ECHDC2: variants seen among roughly 807,000 people sequenced by gnomAD.
ECHDC2 encodes the protein enoyl-CoA hydratase domain containing 2, also known as enoyl-CoA hydratase domain-containing protein 2, mitochondrial.
A neutral mutation model predicts 40.6 loss-of-function variants in ECHDC2; 34 were observed. The observed-to-expected ratio is 0.84, with a 90% confidence interval of 0.64 to 1.11. ECHDC2 has a LOEUF of 1.11. ECHDC2 is among the 50% of genes most tolerant of loss of function. The pLI is 0.00. For missense variants in ECHDC2, 392 were observed against 400.7 expected (o/e 0.98, Z 0.19); for synonymous variants, 162 against 166.6 (o/e 0.97, Z 0.21).
intron 3 of ECHDC2, among the ~76,000 whole-genome samples, chr1:52,910,454 C>T (rs1411047635): frequency 2.1e-5 from 3 of 144,578 alleles, no homozygotes; most frequent in African/African-American, 7.6e-5. Flanking sequence ...CTGTAACCTC[C>T]ACCTCCCGGG....
At chr1:52,912,638 G>A (rs1347988476) in intron 1 of ECHDC2, 1 of 152,058 alleles carries the variant, frequency 6.6e-6, no homozygotes, top group Admixed American at 6.6e-5. Flanking sequence ...CACATGCCCT[G>A]ACTCAATCGT....
At chr1:52,911,184 G>A (rs561282709) in intron 3 of ECHDC2, among the ~76,000 whole-genome samples, 3 of 152,060 alleles carry the variant, frequency 2.0e-5, no homozygotes, top group Admixed American at 2.0e-4. Context: ...CACCATGTTG[G>A]CCAGGCTGGT....
Position 52,921,369 on chromosome 1 carries a change from A to C in ECHDC2, c.121+184T>G. 3 of 1,353,998 alleles carry C rather than the reference A, an allele frequency of 2.2e-6. 1 individual carries two copies. The African/African-American group carries it at 4.6e-5, about 21-fold the overall frequency. 83.9% of individuals were successfully genotyped at this position (1,353,998 alleles called of 1,614,324 possible). A position where few individuals can be genotyped will look rare whatever the true frequency, so the allele number is the denominator to read the frequency against. ...CCAGAGGCCCCCCGCCCCCAGCTAG[A>C]GTCTGGAGCCACTAAGGCGGCCGCC... On this transcript the variant is annotated intron_variant, in intron 1 of 9. Coordinates refer to ENST00000371522, the MANE Select transcript of ECHDC2 (RefSeq NM_001198961.2).
intron 9 of ECHDC2, 58 bp from the exon 10 acceptor site, chr1:52,896,655 G>A: frequency 6.9e-7 from 1 of 1,442,006 alleles, no homozygotes; most frequent in East Asian, 2.3e-5. Flanking sequence ...CCCAAAAAGA[G>A]TTGCTTAAGC....
rs138761671 is a variant in ECHDC2 at position 52,921,684 on chromosome 1, G to T, written c.-11C>A. On this transcript the variant is annotated 5_prime_UTR_variant, in exon 1 of 10. Coordinates refer to ENST00000371522, the MANE Select transcript of ECHDC2 (RefSeq NM_001198961.2). ...CAGAACGCGCAGCATCGGGGCGCAG[G>T]CTGGGAGTGAAGGTGCTTCTCCGGC... 5.2e-6 allele frequency: 8 copies of T among 1,547,328 alleles called. No individual in the cohort carries two copies. The highest frequency in any genetic ancestry group is 7.0e-6 in the Non-Finnish European group (8 of 1,149,792).
chr1:52,903,874 A>G (rs1015081803), intron 7 of ECHDC2, among the ~76,000 whole-genome samples: 3 of 150,270 alleles, frequency 2.0e-5, no homozygotes, highest in Non-Finnish European at 4.4e-5. Context: ...GTGGAGTGCA[A>G]TGGCGCGATC....
At chr1:52,919,105 G>A (rs111239006) in intron 1 of ECHDC2, among the ~76,000 whole-genome samples, 8,165 of 152,182 alleles carry the variant, frequency 0.054, 342 homozygotes, top group African/African-American at 0.11. Flanking sequence ...ATGATCTGAG[G>A]TGGAACAGTT....
At chr1:52,908,929 CAAAAAAAAAAAAAAAAAA>C (rs34090739) in intron 3 of ECHDC2, among the ~76,000 whole-genome samples, 1 of 43,852 alleles carries the variant, frequency 2.3e-5, no homozygotes, top group Admixed American at 2.9e-4. Context: ...GACAGAGTCT[CAAAAAAAAAAAAAAAAAA>C]AAAAAAAGGA....
chr1:52,913,690 G>A (rs1283224621), intron 1 of ECHDC2: 1 of 159,650 alleles, frequency 6.3e-6, no homozygotes, highest in Admixed American at 6.3e-5. Context: ...GCCCTACACA[G>A]GCACAGCCCC....
rs1374571819 is a variant in ECHDC2 at position 52,910,371 on chromosome 1, T to G, written c.277+1195A>C. On this transcript the variant is annotated intron_variant, in intron 3 of 9. Transcript: ENST00000371522. ...AATTTCGTTTTTTTTTTTTTTTTTTTTTTTTTTTTTTTTTTGAGATGGAGT... is the reference window on the plus strand; with the variant it reads ...AATTTCGTTTTTTTTTTTTTTTTTTGTTTTTTTTTTTTTTTGAGATGGAGT... Among the ~76,000 whole-genome samples the G allele has an allele frequency of 6.7e-4, 78 of 116,888 alleles. 1 individual carries two copies. The highest frequency in any genetic ancestry group is 2.5e-3 in the African/African-American group (73 of 29,254). The allele number at this position is 116,888 out of a possible 152,430, so 76.7% of individuals were successfully genotyped here.
intron 1 of ECHDC2, chr1:52,911,994 T>C: frequency 7.0e-7 from 1 of 1,426,736 alleles, no homozygotes; most frequent in South Asian, 1.5e-5. Context: ...TCTTTCTGCC[T>C]CAGAGAGAAA....
At chr1:52,919,232 C>G (rs1355240893) in intron 1 of ECHDC2, among the ~76,000 whole-genome samples, 2 of 152,192 alleles carry the variant, frequency 1.3e-5, no homozygotes, top group Non-Finnish European at 2.9e-5. Context: ...ACTCACCATT[C>G]ACTCGCTGAC....
intron 1 of ECHDC2, among the ~76,000 whole-genome samples, chr1:52,916,781 C>G (rs1237516372): frequency 6.6e-6 from 1 of 152,170 alleles, no homozygotes; most frequent in Non-Finnish European, 1.5e-5. Flanking sequence ...GGGAACATTG[C>G]CCTTCTGACC....
intron 1 of ECHDC2, among the ~76,000 whole-genome samples, chr1:52,919,734 G>A (rs1253572937): frequency 1.3e-5 from 2 of 152,170 alleles, no homozygotes; most frequent in Admixed American, 6.5e-5. Flanking sequence ...AACATCAAAT[G>A]ACCCCAACTC....
At chr1:52,920,001 A>G (rs1377486298) in intron 1 of ECHDC2, among the ~76,000 whole-genome samples, 1 of 152,236 alleles carries the variant, frequency 6.6e-6, no homozygotes, top group East Asian at 1.9e-4. Context: ...GAGTCACTGA[A>G]TTACTAGAAG....
At chr1:52,904,995 G>T (rs1647379801) in intron 6 of ECHDC2, 39 bp downstream of exon 6, 2 of 1,613,548 alleles carry the variant, frequency 1.2e-6, no homozygotes, top group East Asian at 2.2e-5. Flanking sequence ...AAGGACCCTG[G>T]ATGGGGTGGA....
intron 1 of ECHDC2, chr1:52,913,796 G>C (rs1300606971): frequency 2.6e-5 from 11 of 427,576 alleles, no homozygotes; most frequent in Non-Finnish European, 3.6e-5. Flanking sequence ...TGTACACTGG[G>C]GTTCGCTCTT....
chr1:52,913,830 A>T, intron 1 of ECHDC2: 1 of 773,346 alleles, frequency 1.3e-6, no homozygotes, highest in Non-Finnish European at 1.7e-6. Context: ...CTGTGGGTTT[A>T]CACAGATGCA....
chr1:52,897,550 G>T, intron 8 of ECHDC2, 66 bp from the exon 9 acceptor site: 1 of 1,520,406 alleles, frequency 6.6e-7, no homozygotes, highest in Non-Finnish European at 9.1e-7. Flanking sequence ...CTGGAAGCCA[G>T]CCCACCCTAT....
Sources: allele counts gnomAD v4.1 joint callset (sites outside exome capture counted in the v4.1 genomes callset), GRCh38; gene constraint gnomAD v4.1.1; transcripts MANE v1.5; gene names NCBI Gene and HGNC (gene_info 2026-07-23, HGNC 2026-07-21).